ADGRA3: variants seen among roughly 807,000 people sequenced by gnomAD.
The protein encoded by ADGRA3 is G-protein coupled receptor 125.
A neutral mutation model predicts 119.8 loss-of-function variants in ADGRA3; 56 were observed. The ratio of observed to expected loss-of-function variants is 0.47; its 90% CI spans 0.38 to 0.58. The LOEUF (loss-of-function observed/expected upper bound fraction) is 0.58. Ranked by LOEUF, ADGRA3 falls within the 20% of genes least tolerant of loss-of-function variation. ADGRA3 has a pLI of 0.00. For synonymous variants in ADGRA3, 607 were observed against 623.8 expected, an observed-to-expected ratio of 0.97 and a Z score of 0.40; for missense variants, 1,516 against 1,649.0, an observed-to-expected ratio of 0.92 and a Z score of 1.40.
At chr4:22,466,286 G>T (rs944511961) in intron 2 of ADGRA3, among the ~76,000 whole-genome samples, 1 of 152,094 alleles carries the variant, frequency 6.6e-6, no homozygotes, top group African/African-American at 2.4e-5. Flanking sequence ...TTTCTAGAAA[G>T]GGTATTTCCT....
chr4:22,441,560 G>A (rs373957715), intron 7 of ADGRA3, among the ~76,000 whole-genome samples: 18 of 152,218 alleles, frequency 1.2e-4, no homozygotes, highest in African/African-American at 3.9e-4. Context: ...TATGGGCTCC[G>A]TGGGCCAGAT....
intron 2 of ADGRA3, among the ~76,000 whole-genome samples, chr4:22,466,066 C>T (rs1220785823): frequency 1.3e-5 from 2 of 152,110 alleles, no homozygotes; most frequent in Non-Finnish European, 2.9e-5. Flanking sequence ...TAAACACAGA[C>T]CTGATCAAGA....
intron 2 of ADGRA3, among the ~76,000 whole-genome samples, chr4:22,472,471 T>C (rs1447716624): frequency 1.3e-5 from 2 of 152,188 alleles, no homozygotes; most frequent in Non-Finnish European, 2.9e-5. Context: ...TGGAACATGA[T>C]AGGAATATTG....
At chr4:22,504,607 C>T (rs1719172582) in intron 1 of ADGRA3, among the ~76,000 whole-genome samples, 1 of 152,096 alleles carries the variant, frequency 6.6e-6, no homozygotes, top group South Asian at 2.1e-4. Context: ...TGAATAAGGC[C>T]CTGTCCTGAA....
chr4:22,467,792 T>C (rs1221092949), intron 2 of ADGRA3, among the ~76,000 whole-genome samples: 1 of 152,178 alleles, frequency 6.6e-6, no homozygotes, highest in African/African-American at 2.4e-5. Context: ...GCTTCCCTAG[T>C]AAACAGGAGT....
At chr4:22,508,089 G>A (rs1719309193) in intron 1 of ADGRA3, among the ~76,000 whole-genome samples, 1 of 152,146 alleles carries the variant, frequency 6.6e-6, no homozygotes, top group South Asian at 2.1e-4. Flanking sequence ...CCATACTCGA[G>A]GCGCTGTGCG....
intron 1 of ADGRA3, among the ~76,000 whole-genome samples, chr4:22,493,751 G>A (rs752728855): frequency 6.6e-6 from 1 of 152,150 alleles, no homozygotes; most frequent in Non-Finnish European, 1.5e-5. Context: ...GCAAAATGAG[G>A]CTAAGACCTA....
rs532513796 is a variant in ADGRA3, at chr4:22,478,401, C to T, written c.258-4558G>A. ...CATGGAAAACTGTTGACAACACTCA[C>T]ACCTTGTATATCAGAAGGCACAAAA... On this transcript the variant is annotated intron_variant, in intron 1 of 18. Coordinates refer to ENST00000334304, the MANE Select transcript of ADGRA3 (RefSeq NM_145290.4). Among the ~76,000 whole-genome samples, 4 of 152,292 alleles carry T rather than the reference C, an allele frequency of 2.6e-5. No individual in the cohort carries two copies. In the South Asian group the frequency reaches 8.3e-4, roughly 32 times the overall value.
intron 9 of ADGRA3, 72 bp downstream of exon 9, chr4:22,436,368 A>C (rs186692493): frequency 0.012 from 14,363 of 1,232,774 alleles, 117 homozygotes; most frequent in Middle Eastern, 0.017. Context: ...AAAAAAAAAA[A>C]AAACTTATGT....
chr4:22,410,401 T>C (rs991092633), intron 14 of ADGRA3, among the ~76,000 whole-genome samples: 1 of 152,158 alleles, frequency 6.6e-6, no homozygotes, highest in Non-Finnish European at 1.5e-5. Context: ...CTTAATTTTT[T>C]TTTCTGGCTC....
chr4:22,472,420 C>A (rs1334425059), intron 2 of ADGRA3, among the ~76,000 whole-genome samples: 2 of 152,082 alleles, frequency 1.3e-5, no homozygotes, highest in African/African-American at 2.4e-5. Context: ...AGGCCTAAAG[C>A]CAAGGGTGTG....
At chr4:22,507,655 A>G (rs2109182455) in intron 1 of ADGRA3, among the ~76,000 whole-genome samples, 1 of 152,328 alleles carries the variant, frequency 6.6e-6, no homozygotes, top group African/African-American at 2.4e-5. Flanking sequence ...CAAGCAGGCA[A>G]GAAACAACAG....
chr4:22,509,653 C>T (rs111293559), intron 1 of ADGRA3, among the ~76,000 whole-genome samples: 15,925 of 152,112 alleles, frequency 0.1, 1,078 homozygotes, highest in Middle Eastern at 0.18. Context: ...CCTAAAGGAC[C>T]TTGATCCCCC....
intron 8 of ADGRA3, among the ~76,000 whole-genome samples, chr4:22,437,146 T>C (rs1308775261): frequency 6.6e-6 from 1 of 152,220 alleles, no homozygotes; most frequent in African/African-American, 2.4e-5. Context: ...AGATGTTGAA[T>C]GTAACAAAAT....
intron 12 of ADGRA3, among the ~76,000 whole-genome samples, chr4:22,419,351 T>C (rs907978605): frequency 1.8e-4 from 27 of 152,216 alleles, no homozygotes; most frequent in African/African-American, 6.3e-4. Flanking sequence ...AACCACATTT[T>C]ATGCCATTAA....
chr4:22,505,410 G>A (rs1430221974), intron 1 of ADGRA3, among the ~76,000 whole-genome samples: 1 of 151,942 alleles, frequency 6.6e-6, no homozygotes, highest in East Asian at 1.9e-4. Context: ...TAATCCCAGT[G>A]CTTTGGGCAG....
chr4:22,440,906 T>C (rs1164772854), intron 7 of ADGRA3, among the ~76,000 whole-genome samples: 4 of 152,194 alleles, frequency 2.6e-5, no homozygotes, highest in Non-Finnish European at 5.9e-5. Context: ...TATCTCCTAA[T>C]AAGGGAATTC....
chr4:22,424,463 A>G, intron 10 of ADGRA3, 111 bp from the exon 11 acceptor site: 1 of 1,150,974 alleles, frequency 8.7e-7, no homozygotes, highest in African/African-American at 1.5e-5. Flanking sequence ...CAAATTCCAC[A>G]TGAGAACCCA....
chr4:22,452,191 G>A (rs561206706), intron 4 of ADGRA3, among the ~76,000 whole-genome samples: 49 of 152,282 alleles, frequency 3.2e-4, no homozygotes, highest in Non-Finnish European at 5.7e-4. Flanking sequence ...TGCTATATAT[G>A]CCACAGACTG....
Sources: allele counts gnomAD v4.1 joint callset (sites outside exome capture counted in the v4.1 genomes callset), GRCh38; gene constraint gnomAD v4.1.1; transcripts MANE v1.5; gene names NCBI Gene and HGNC (gene_info 2026-07-23, HGNC 2026-07-21).